Variants in TLK1 observed in about 807,000 individuals in gnomAD.
TLK1 encodes the protein serine/threonine-protein kinase tousled-like 1.
In TLK1, 24 loss-of-function variants were observed where a neutral mutation model predicts 105.3. The observed-to-expected ratio is 0.23, with a 90% confidence interval of 0.17 to 0.32. The LOEUF is 0.32. TLK1 is among the 10% of genes least tolerant of loss of function. The pLI, the probability that TLK1 is intolerant of heterozygous loss-of-function variation, is 1.00. For missense variants in TLK1, 558 were observed against 910.5 expected, an observed-to-expected ratio of 0.61 and a Z score of 4.98; for synonymous variants, 321 against 310.4, an observed-to-expected ratio of 1.03 and a Z score of -0.36.
intron 11 of TLK1, chr2:171,045,374 T>C (rs1686906534): frequency 6.6e-6 from 1 of 150,588 alleles, no homozygotes; most frequent in African/African-American, 2.4e-5. Flanking sequence ...GAATTACAAG[T>C]GCCTGACACC....
chr2:171,127,446 C>T lies in TLK1; in HGVS notation c.140-9589G>A, dbSNP rs1690918013. Among the ~76,000 whole-genome samples, 4 of 151,968 alleles carry T rather than the reference C, an allele frequency of 2.6e-5. 1 individual carries two copies. The South Asian group carries it at 8.3e-4, about 32-fold the overall frequency. ...CATATTTAGCTATAACTTTTGTTGG[C>T]TATACTATGTTGCATTATTTATTCC... On this transcript the variant is annotated intron_variant, in intron 1 of 20. Coordinates refer to ENST00000431350, the MANE Select transcript of TLK1 (RefSeq NM_012290.5).
chr2:171,118,842 A>G (rs968482859), intron 1 of TLK1, among the ~76,000 whole-genome samples: 4 of 152,122 alleles, frequency 2.6e-5, no homozygotes, highest in African/African-American at 9.7e-5. Context: ...AACTACTCCT[A>G]TAGATCTTAT....
chr2:171,200,290 C>G (rs1156569461), intron 1 of TLK1, among the ~76,000 whole-genome samples: 1 of 151,914 alleles, frequency 6.6e-6, no homozygotes, highest in Non-Finnish European at 1.5e-5. Context: ...TTTTTTCTAC[C>G]CCCCCATCCT....
At chr2:171,110,736 G>A (rs1179371850) in intron 2 of TLK1, among the ~76,000 whole-genome samples, 1 of 152,106 alleles carries the variant, frequency 6.6e-6, no homozygotes, top group Non-Finnish European at 1.5e-5. Flanking sequence ...CTACAAAGGG[G>A]TATGGGAAAA....
chr2:171,088,517 T>C (rs79789611), intron 2 of TLK1, among the ~76,000 whole-genome samples: 202 of 152,302 alleles, frequency 1.3e-3, no homozygotes, highest in African/African-American at 4.5e-3. Flanking sequence ...TCAAGCACAA[T>C]GGCTTAAAGA....
intron 3 of TLK1, among the ~76,000 whole-genome samples, chr2:171,062,621 T>G (rs886188091): frequency 1.3e-5 from 2 of 152,194 alleles, no homozygotes; most frequent in Non-Finnish European, 2.9e-5. Flanking sequence ...GATAAATACA[T>G]GCATGAATAT....
chr2:171,019,372 G>C (rs1270195139), intron 12 of TLK1, among the ~76,000 whole-genome samples: 3 of 152,120 alleles, frequency 2.0e-5, no homozygotes, highest in Admixed American at 6.5e-5. Flanking sequence ...GAAAATGGTA[G>C]GTGAATCTGG....
At chr2:170,999,999 G>A (rs1684281395) in intron 18 of TLK1, among the ~76,000 whole-genome samples, 1 of 152,030 alleles carries the variant, frequency 6.6e-6, no homozygotes, top group Non-Finnish European at 1.5e-5. Context: ...GGGCTCAAGT[G>A]GTCTTCCTGC....
At chr2:171,000,376 CAAA>C (rs34800888) in intron 18 of TLK1, among the ~76,000 whole-genome samples, 10 of 78,346 alleles carry the variant, frequency 1.3e-4, no homozygotes, top group East Asian at 7.9e-4. Flanking sequence ...GAAACTCTGT[CAAA>C]AAAAAAAAAA....
chr2:170,994,087 T>A, intron 20 of TLK1, 131 bp from the exon 21 acceptor site: 3 of 940,430 alleles, frequency 3.2e-6, no homozygotes, highest in Non-Finnish European at 4.2e-6. Context: ...GTTCAAACCT[T>A]AAAAAAAAAA....
intron 1 of TLK1, among the ~76,000 whole-genome samples, chr2:171,227,210 G>C (rs1693913158): frequency 6.6e-6 from 1 of 152,114 alleles, no homozygotes; most frequent in African/African-American, 2.4e-5. Context: ...CCAGCCCCAA[G>C]CTCTAATGAT....
intron 5 of TLK1, 67 bp from the exon 6 acceptor site, chr2:171,056,633 AC>A: frequency 1.5e-6 from 2 of 1,304,626 alleles, no homozygotes; most frequent in Non-Finnish European, 2.2e-6. Context: ...TTCAGATATG[AC>A]ATTAAGAATT....
At chr2:171,122,354 A>T (rs1220995407) in intron 1 of TLK1, among the ~76,000 whole-genome samples, 2 of 152,186 alleles carry the variant, frequency 1.3e-5, no homozygotes, top group Non-Finnish European at 2.9e-5. Flanking sequence ...TTAATCCTAA[A>T]CAGTAGAGCC....
intron 1 of TLK1, among the ~76,000 whole-genome samples, chr2:171,226,306 C>A (rs1693895238): frequency 6.6e-6 from 1 of 152,158 alleles, no homozygotes; most frequent in Non-Finnish European, 1.5e-5. Context: ...AAATTAAAAT[C>A]TTGTTTGCCT....
In TLK1 at chr2:171,117,757, A is replaced by G; in HGVS notation, c.240T>C (p.Ser80=). ...VASGSTGSTG[S]CSVGAKASTN... ...TGCTCACTTTAGCTCCAACACTGCA[A>G]CTGCCCGTACTTCCAGTGCTCCCAC... Residue 80 remains serine, a synonymous_variant, in exon 2 of 21, where the codon AGT becomes AGC. Coordinates refer to ENST00000431350, the MANE Select transcript of TLK1 (RefSeq NM_012290.5). The G allele has an allele frequency of 6.2e-7, 1 of 1,613,672 alleles. No homozygotes were observed. The highest frequency in any genetic ancestry group is 8.5e-7 in the Non-Finnish European group (1 of 1,179,852).
At chr2:171,213,054 G>A (rs537369636) in intron 1 of TLK1, among the ~76,000 whole-genome samples, 2 of 151,954 alleles carry the variant, frequency 1.3e-5, no homozygotes, top group South Asian at 2.1e-4. Flanking sequence ...TCTTACCAAA[G>A]TGAAAAGTTA....
intron 1 of TLK1, among the ~76,000 whole-genome samples, chr2:171,197,877 A>C (rs758268035): frequency 3.3e-5 from 5 of 152,166 alleles, no homozygotes; most frequent in Non-Finnish European, 7.4e-5. Context: ...TAAAATTAAA[A>C]TGTGGGGTAA....
chr2:171,215,172 C>G (rs1558993994), intron 1 of TLK1, among the ~76,000 whole-genome samples: 1 of 152,150 alleles, frequency 6.6e-6, no homozygotes, highest in South Asian at 2.1e-4. Context: ...AATGCCTGGG[C>G]TCAAGTGATC....
chr2:171,150,348 A>C (rs1248805977), intron 1 of TLK1, among the ~76,000 whole-genome samples: 1 of 152,240 alleles, frequency 6.6e-6, no homozygotes, highest in Admixed American at 6.5e-5. Context: ...GACAGTTATA[A>C]AGTTAAAATT....
Sources: allele counts gnomAD v4.1 joint callset (sites outside exome capture counted in the v4.1 genomes callset), GRCh38; gene constraint gnomAD v4.1.1; transcripts MANE v1.5; gene names NCBI Gene and HGNC (gene_info 2026-07-23, HGNC 2026-07-21).